LOC400499: variants seen among roughly 807,000 people sequenced by gnomAD.
chr16:11,440,783 C>T, the LOC400499 span: 2 of 398,978 alleles, frequency 5.0e-6, no homozygotes, highest in Non-Finnish European at 8.8e-6. Context: ...TTGAATGTTC[C>T]TTGGGGACTC....
At chr16:11,495,383 C>CTT in the LOC400499 span, among the ~76,000 whole-genome samples, 3 of 143,576 alleles carry the variant, frequency 2.1e-5, no homozygotes, top group Non-Finnish European at 3.1e-5. Context: ...ACCAACAAAT[C>CTT]TTTTTTTTTT....
the LOC400499 span, chr16:11,469,792 A>G: frequency 2.3e-4 from 90 of 397,246 alleles, no homozygotes; most frequent in African/African-American, 1.6e-3. Context: ...CAGAATTGTA[A>G]AGCTCTGCAG....
At chr16:11,493,073 G>C in the LOC400499 span, among the ~76,000 whole-genome samples, 1 of 152,192 alleles carries the variant, frequency 6.6e-6, no homozygotes, top group African/African-American at 2.4e-5. Context: ...CTGGGGAGGA[G>C]GGATGGGAGG....
chr16:11,527,272 C>T, the LOC400499 span, among the ~76,000 whole-genome samples: 1 of 152,154 alleles, frequency 6.6e-6, no homozygotes, highest in South Asian at 2.1e-4. Context: ...GAGGGCTCAG[C>T]TTTAACCCAC....
At chr16:11,385,851 T>G in the LOC400499 span, among the ~76,000 whole-genome samples, 1 of 152,114 alleles carries the variant, frequency 6.6e-6, no homozygotes, top group Non-Finnish European at 1.5e-5. Flanking sequence ...TCTGAATAAA[T>G]TAGAAGCCAC....
chr16:11,410,574 C>T, the LOC400499 span, among the ~76,000 whole-genome samples: 36 of 152,310 alleles, frequency 2.4e-4, no homozygotes, highest in African/African-American at 7.9e-4. Flanking sequence ...CAGCACATAG[C>T]GCATGCTCTG....
At chr16:11,419,553 T>C in the LOC400499 span, among the ~76,000 whole-genome samples, 1 of 152,198 alleles carries the variant, frequency 6.6e-6, no homozygotes, top group Non-Finnish European at 1.5e-5. Context: ...AAGGACTTCA[T>C]GTCTAGAACA....
At chr16:11,515,462 AATACATACATACGTACGTACATAC>A in the LOC400499 span, among the ~76,000 whole-genome samples, 3,207 of 151,626 alleles carry the variant, frequency 0.021, 137 homozygotes, top group African/African-American at 0.074. Context: ...CCTCTAAGGA[AATACATACATACGTACGTACATAC>A]ATACATACAT....
the LOC400499 span, chr16:11,380,766 G>GGAA: frequency 1.3e-5 from 2 of 152,188 alleles, no homozygotes; most frequent in Non-Finnish European, 2.9e-5. Flanking sequence ...TTGTGACACT[G>GGAA]TGGCTGTAAG....
At chr16:11,442,180 G>C in the LOC400499 span, 1 of 152,150 alleles carries the variant, frequency 6.6e-6, no homozygotes, top group African/African-American at 2.4e-5. Context: ...TCCAAGACGA[G>C]AGAAAAATGT....
chr16:11,382,098 G>A, the LOC400499 span, among the ~76,000 whole-genome samples: 10 of 152,054 alleles, frequency 6.6e-5, no homozygotes, highest in East Asian at 1.9e-4. Context: ...CACCACACCC[G>A]GCTAATTTTT....
chr16:11,518,873 T>C, the LOC400499 span: 4 of 399,098 alleles, frequency 1.0e-5, no homozygotes, highest in East Asian at 3.6e-5. Context: ...CGTGAGCAGG[T>C]CCCAGCCCCA....
the LOC400499 span, among the ~76,000 whole-genome samples, chr16:11,495,905 A>G: frequency 6.6e-6 from 1 of 152,030 alleles, no homozygotes; most frequent in Non-Finnish European, 1.5e-5. Context: ...CAGGCATGAT[A>G]CCAACACTCA....
chr16:11,468,281 G>T, the LOC400499 span, among the ~76,000 whole-genome samples: 1 of 152,162 alleles, frequency 6.6e-6, no homozygotes, highest in South Asian at 2.1e-4. Context: ...CAGGAAATTT[G>T]GGACATGGCA....
At chr16:11,395,999 A>G in the LOC400499 span, among the ~76,000 whole-genome samples, 1 of 152,208 alleles carries the variant, frequency 6.6e-6, no homozygotes, top group Non-Finnish European at 1.5e-5. Context: ...CCTACTTCCC[A>G]GGGCTGCTGG....
At chr16:11,420,101 C>T in the LOC400499 span, among the ~76,000 whole-genome samples, 4 of 148,736 alleles carry the variant, frequency 2.7e-5, no homozygotes, top group South Asian at 8.5e-4. Flanking sequence ...TGGGTATATA[C>T]CCAAAGGACT....
chr16:11,516,225 G>A, the LOC400499 span: 2 of 399,564 alleles, frequency 5.0e-6, no homozygotes, highest in Admixed American at 4.4e-5. Context: ...AGCACCCAGC[G>A]TGGCTCAGTG....
the LOC400499 span, chr16:11,460,618 G>T: frequency 1.3e-6 from 2 of 1,525,650 alleles, no homozygotes; most frequent in South Asian, 2.4e-5. Flanking sequence ...GACCTGTGTG[G>T]ATCAACCCAG....
the LOC400499 span, among the ~76,000 whole-genome samples, chr16:11,373,872 G>A: frequency 7.2e-5 from 11 of 152,000 alleles, no homozygotes; most frequent in South Asian, 2.1e-4. Context: ...TGCCCGCCTC[G>A]GCCTCCCAAA....
Sources: allele counts gnomAD v4.1 joint callset (sites outside exome capture counted in the v4.1 genomes callset), GRCh38; gene constraint gnomAD v4.1.1; transcripts MANE v1.5.